RAP1GDS1: variants seen among roughly 807,000 people sequenced by gnomAD.
RAP1GDS1 encodes Rap1 GTPase-GDP dissociation stimulator 1.
A neutral mutation model predicts 71.1 loss-of-function variants in RAP1GDS1; 35 were observed. That is an observed-to-expected ratio of 0.49 (90% CI 0.38 to 0.65). The LOEUF is 0.65. Ranked by LOEUF, RAP1GDS1 falls within the 30% of genes least tolerant of loss-of-function variation. RAP1GDS1 has a pLI of 0.00. For missense variants in RAP1GDS1, 663 were observed against 706.1 expected, an observed-to-expected ratio of 0.94 and a Z score of 0.69; for synonymous variants, 229 against 243.1, an observed-to-expected ratio of 0.94 and a Z score of 0.54.
At chr4:98,345,185 C>G (rs993171932) in intron 3 of RAP1GDS1, among the ~76,000 whole-genome samples, 1 of 152,060 alleles carries the variant, frequency 6.6e-6, no homozygotes, top group African/African-American at 2.4e-5. Flanking sequence ...CAACCTGACA[C>G]AACATAGTAC....
chr4:98,360,022 G>A (rs1343637332), intron 4 of RAP1GDS1, among the ~76,000 whole-genome samples: 1 of 152,248 alleles, frequency 6.6e-6, no homozygotes, highest in Admixed American at 6.5e-5. Context: ...GAGAAACTAT[G>A]ATCTTTCCAT....
chr4:98,402,139 C>A (rs1162910744), intron 6 of RAP1GDS1, among the ~76,000 whole-genome samples: 1 of 152,100 alleles, frequency 6.6e-6, no homozygotes, highest in African/African-American at 2.4e-5. Flanking sequence ...GTGGCATGAT[C>A]TCTGCTCACT....
chr4:98,300,934 A>G (rs557966344), intron 2 of RAP1GDS1, among the ~76,000 whole-genome samples: 36 of 152,008 alleles, frequency 2.4e-4, no homozygotes, highest in Non-Finnish European at 3.8e-4. Flanking sequence ...TTATGCATTT[A>G]CTATTTTTGA....
intron 2 of RAP1GDS1, among the ~76,000 whole-genome samples, chr4:98,336,017 C>G (rs954228715): frequency 1.2e-4 from 18 of 152,280 alleles, no homozygotes; most frequent in African/African-American, 4.1e-4. Flanking sequence ...AAAAATCTTG[C>G]AGATGCTAAA....
At chr4:98,334,185 G>A (rs983314141) in intron 2 of RAP1GDS1, among the ~76,000 whole-genome samples, 1 of 151,942 alleles carries the variant, frequency 6.6e-6, no homozygotes, top group Non-Finnish European at 1.5e-5. Context: ...AAGTACATCA[G>A]ATTTTACTAT....
At chr4:98,271,639 T>C (rs867601385) in intron 1 of RAP1GDS1, among the ~76,000 whole-genome samples, 2 of 148,532 alleles carry the variant, frequency 1.3e-5, no homozygotes, top group Non-Finnish European at 2.9e-5. Flanking sequence ...TATATAATTA[T>C]GTTTTAATAA....
intron 1 of RAP1GDS1, among the ~76,000 whole-genome samples, chr4:98,281,190 A>C (rs1725032093): frequency 6.6e-6 from 1 of 152,152 alleles, no homozygotes; most frequent in Non-Finnish European, 1.5e-5. Flanking sequence ...TGAATCTATA[A>C]ATTACTTTGG....
chr4:98,313,758 G>T lies in RAP1GDS1; in HGVS notation c.112+20243G>T, dbSNP rs142457245. Among the ~76,000 whole-genome samples the T allele has an allele frequency of 1.1e-3, 162 of 152,092 alleles. 1 individual carries two copies. Among genetic ancestry groups the T allele is most frequent in the African/African-American group, 3.8e-3 (157 of 41,476 alleles). The stretch of plus-strand genomic sequence containing the variant: ...TCTACTTGGGAGGCCGAGGTGAGAG[G>T]ATCACTTCGGCCCAGGAGGTCGAGG... On this transcript the variant is annotated intron_variant, in intron 2 of 14. Transcript: ENST00000408927.
chr4:98,350,209 C>A (rs959857345), intron 3 of RAP1GDS1, among the ~76,000 whole-genome samples: 1 of 152,142 alleles, frequency 6.6e-6, no homozygotes, highest in South Asian at 2.1e-4. Flanking sequence ...TTCAATGTTG[C>A]CATTGCCTGA....
chr4:98,424,559 C>T (rs1331292519), intron 12 of RAP1GDS1, among the ~76,000 whole-genome samples: 3 of 151,996 alleles, frequency 2.0e-5, no homozygotes, highest in African/African-American at 7.2e-5. Context: ...TCAGGAGTTC[C>T]AGACCAGCCT....
chr4:98,434,328 G>A (rs1331468568), intron 13 of RAP1GDS1, among the ~76,000 whole-genome samples: 1 of 152,068 alleles, frequency 6.6e-6, no homozygotes, highest in Admixed American at 6.5e-5. Flanking sequence ...TTAGAGAATA[G>A]AGAAAACGTT....
intron 2 of RAP1GDS1, among the ~76,000 whole-genome samples, chr4:98,304,792 G>A (rs1048359791): frequency 6.6e-6 from 1 of 152,028 alleles, no homozygotes; most frequent in Non-Finnish European, 1.5e-5. Context: ...GAATGATGTT[G>A]CGTAGATTTT....
At chr4:98,277,965 G>A (rs920208797) in intron 1 of RAP1GDS1, among the ~76,000 whole-genome samples, 8 of 152,174 alleles carry the variant, frequency 5.3e-5, no homozygotes, top group Admixed American at 3.9e-4. Flanking sequence ...GGTGGCTTAC[G>A]CCTGTAATCT....
At chr4:98,274,914 A>G (rs1010698975) in intron 1 of RAP1GDS1, among the ~76,000 whole-genome samples, 6 of 152,096 alleles carry the variant, frequency 3.9e-5, no homozygotes, top group Admixed American at 1.3e-4. Context: ...CTCTGGAAAC[A>G]TTGGTGGCTA....
At chr4:98,367,272 C>T (rs770265226) in intron 4 of RAP1GDS1, among the ~76,000 whole-genome samples, 25 of 152,222 alleles carry the variant, frequency 1.6e-4, no homozygotes, top group South Asian at 6.2e-4. Flanking sequence ...GTTGATCCTG[C>T]GAGTGCACAG....
intron 6 of RAP1GDS1, among the ~76,000 whole-genome samples, chr4:98,393,206 T>A (rs1216183604): frequency 6.6e-6 from 1 of 152,208 alleles, no homozygotes; most frequent in African/African-American, 2.4e-5. Context: ...TTTTTCTAAC[T>A]GAAAGCTCAT....
intron 2 of RAP1GDS1, among the ~76,000 whole-genome samples, chr4:98,312,437 C>A (rs1160979244): frequency 6.6e-6 from 1 of 152,136 alleles, no homozygotes; most frequent in Admixed American, 6.5e-5. Context: ...TGTGCTTTCT[C>A]CCTAACAAAT....
chr4:98,297,566 G>A (rs1249738447), intron 2 of RAP1GDS1, among the ~76,000 whole-genome samples: 1 of 152,068 alleles, frequency 6.6e-6, no homozygotes, highest in African/African-American at 2.4e-5. Flanking sequence ...TGTTACTATT[G>A]TGATTGTTTT....
intron 12 of RAP1GDS1, among the ~76,000 whole-genome samples, chr4:98,429,520 G>A (rs1750106238): frequency 6.6e-6 from 1 of 152,056 alleles, no homozygotes; most frequent in Non-Finnish European, 1.5e-5. Flanking sequence ...GGGGGTGAGG[G>A]ATAAAAGACT....
Sources: allele counts gnomAD v4.1 joint callset (sites outside exome capture counted in the v4.1 genomes callset), GRCh38; gene constraint gnomAD v4.1.1; transcripts MANE v1.5; gene names NCBI Gene and HGNC (gene_info 2026-07-23, HGNC 2026-07-21).